Variants in POU3F3 observed in about 807,000 individuals in gnomAD.
The protein encoded by POU3F3 is POU class 3 homeobox 3.
POU3F3 carries 1 observed loss-of-function variant against 8.6 expected under a neutral mutation model. The ratio of observed to expected loss-of-function variants is 0.12; its 90% confidence interval spans 0.04 to 0.55. The LOEUF is 0.55. Ranked by LOEUF, POU3F3 falls within the 20% of genes least tolerant of loss-of-function variation. POU3F3 has a pLI of 0.91. For synonymous variants in POU3F3, 418 were observed against 327.4 expected (o/e 1.28, Z -2.99); for missense variants, 577 against 690.7 (o/e 0.84, Z 1.84).
chr2:104,866,685 AAGG>A, the POU3F3 span: 1 of 152,222 alleles, frequency 6.6e-6, no homozygotes, highest in Non-Finnish European at 1.5e-5. Context: ...AAGCCCTAGA[AAGG>A]AGGATTGAAG....
chr2:104,857,958 G>C lies in POU3F3; in HGVS notation c.*945G>C, dbSNP rs930862254. ...CGGGCGGGCGAACTGGGAGCAGAGC[G>C]GGGGCCCAGCCAGCGAGGCCGCCGA... On this transcript the variant is annotated 3_prime_UTR_variant, in exon 1 of 1. Transcript: ENST00000361360. 9 of 152,204 alleles carry C rather than the reference G, an allele frequency of 5.9e-5. No individual in the cohort carries two copies. Among genetic ancestry groups the C allele is most frequent in the African/African-American group, 2.2e-4 (9 of 41,450 alleles). The allele number at this position is 152,204 out of a possible 1,614,324, so 9.4% of individuals were successfully genotyped here.
In POU3F3 at chr2:104,855,104, C is replaced by T. The variant is rs1212691866; in HGVS notation, c.-407C>T. ...CCCCGCCCGGCGAGCCCCGCTGGAGCGAGCCCAGCGCGCCGGGGCTGGGGG... is the reference window on the plus strand; with the variant it reads ...CCCCGCCCGGCGAGCCCCGCTGGAGTGAGCCCAGCGCGCCGGGGCTGGGGG... On this transcript the variant is annotated 5_prime_UTR_variant, in exon 1 of 1. Coordinates refer to ENST00000361360, the MANE Select transcript of POU3F3 (RefSeq NM_006236.3). 6.6e-6 allele frequency among the ~76,000 whole-genome samples: 1 copy of T among 151,790 alleles called. No homozygotes were observed. Among genetic ancestry groups the T allele is most frequent in the African/African-American group, 2.4e-5 (1 of 41,392 alleles).
At chr2:104,875,948 C>T in the POU3F3 span, among the ~76,000 whole-genome samples, 1 of 152,090 alleles carries the variant, frequency 6.6e-6, no homozygotes, top group African/African-American at 2.4e-5. Context: ...GAACTCCTGA[C>T]CTCAGGTGAT....
chr2:104,871,458 C>T, the POU3F3 span, among the ~76,000 whole-genome samples: 1 of 152,006 alleles, frequency 6.6e-6, no homozygotes, highest in Non-Finnish European at 1.5e-5. Context: ...GTCCTCAACT[C>T]CAGTCATTAG....
chr2:104,856,220 C>T lies in POU3F3; in HGVS notation c.710C>T (p.Pro237Leu). The change falls in exon 1 of 1, where the codon CCA (proline) becomes CTA (leucine). Residue 237 changes from proline to leucine, a missense_variant. Pro to Leu is a moderately conservative substitution (Grantham distance 98, BLOSUM62 -3). Coordinates refer to ENST00000361360, the MANE Select transcript of POU3F3 (RefSeq NM_006236.3). Reference sequence around the variant, plus strand: ...ACGGTGAACGGCATGCTGAGCGCGCCACCGGGGCCCGGCGGCGGCGGCGGC... The same window carrying T: ...ACGGTGAACGGCATGCTGAGCGCGCTACCGGGGCCCGGCGGCGGCGGCGGC... ...GFTVNGMLSAPPGPGGGGGGA... is the reference protein window; with the variant it reads ...GFTVNGMLSALPGPGGGGGGA... The T allele has an allele frequency of 7.9e-7, 1 of 1,269,576 alleles. No homozygotes were observed. Among genetic ancestry groups the T allele is most frequent in the South Asian group, 3.0e-5 (1 of 33,740 alleles). 78.6% of individuals were successfully genotyped at this position (1,269,576 alleles called of 1,614,324 possible).
At chr2:104,892,281 G>A in the POU3F3 span, among the ~76,000 whole-genome samples, 9 of 152,194 alleles carry the variant, frequency 5.9e-5, no homozygotes, top group African/African-American at 2.2e-4. Flanking sequence ...TGGCCTCCAT[G>A]TGGGACAAGG....
upstream of POU3F3, chr2:104,853,926 T>C (rs1170682500): frequency 6.6e-6 from 1 of 151,776 alleles, no homozygotes; most frequent in Non-Finnish European, 1.5e-5. Context: ...TTCCAGCTTC[T>C]ACGACGCTCT....
At chr2:104,888,224 T>TG in the POU3F3 span, among the ~76,000 whole-genome samples, 2 of 152,232 alleles carry the variant, frequency 1.3e-5, no homozygotes, top group Non-Finnish European at 2.9e-5. Context: ...CAGGTTCTTG[T>TG]GGGGCAAACA....
the POU3F3 span, among the ~76,000 whole-genome samples, chr2:104,917,113 TCA>T: frequency 6.6e-6 from 1 of 152,194 alleles, no homozygotes; most frequent in Non-Finnish European, 1.5e-5. Context: ...AAACCAGAAC[TCA>T]CACCACTGGC....
At chr2:104,891,952 T>C in the POU3F3 span, among the ~76,000 whole-genome samples, 1 of 152,190 alleles carries the variant, frequency 6.6e-6, no homozygotes, top group Admixed American at 6.5e-5. Context: ...GCATTATGCT[T>C]ATAGCTCACT....
the POU3F3 span, among the ~76,000 whole-genome samples, chr2:104,887,936 A>G: frequency 6.6e-6 from 1 of 152,220 alleles, no homozygotes; most frequent in African/African-American, 2.4e-5. Flanking sequence ...CTGAATAACA[A>G]TTAGGAGCAG....
At chr2:104,917,665 G>C in the POU3F3 span, among the ~76,000 whole-genome samples, 1 of 152,178 alleles carries the variant, frequency 6.6e-6, no homozygotes, top group African/African-American at 2.4e-5. Flanking sequence ...GTGTCTTCAT[G>C]AAACTATCCA....
chr2:104,878,737 C>T, the POU3F3 span, among the ~76,000 whole-genome samples: 16 of 152,090 alleles, frequency 1.1e-4, no homozygotes, highest in East Asian at 1.9e-4. Context: ...TAAACTTCTC[C>T]GGTGGAATTA....
chr2:104,919,179 C>T, the POU3F3 span, among the ~76,000 whole-genome samples: 1 of 152,158 alleles, frequency 6.6e-6, no homozygotes, highest in Non-Finnish European at 1.5e-5. Flanking sequence ...TCCATGAAAA[C>T]ATTTTATGCT....
chr2:104,862,834 C>A (rs897530846), downstream of POU3F3, among the ~76,000 whole-genome samples: 5 of 152,160 alleles, frequency 3.3e-5, no homozygotes, highest in Non-Finnish European at 7.3e-5. Context: ...TCTGACACAG[C>A]AACCCGACTT....
chr2:104,874,372 C>T, the POU3F3 span, among the ~76,000 whole-genome samples: 1 of 152,208 alleles, frequency 6.6e-6, no homozygotes, highest in African/African-American at 2.4e-5. Flanking sequence ...CCAGGGTTCC[C>T]AGCCACCGTG....
the POU3F3 span, among the ~76,000 whole-genome samples, chr2:104,869,061 T>C: frequency 6.6e-6 from 1 of 152,154 alleles, no homozygotes; most frequent in Non-Finnish European, 1.5e-5. Context: ...CTTAGACACC[T>C]AGGGGTTCAA....
At chr2:104,877,712 G>A in the POU3F3 span, among the ~76,000 whole-genome samples, 1 of 147,826 alleles carries the variant, frequency 6.8e-6, no homozygotes, top group Admixed American at 6.8e-5. Flanking sequence ...AGGCTGGAGT[G>A]CAGTGGCACA....
the POU3F3 span, among the ~76,000 whole-genome samples, chr2:104,877,669 T>C: frequency 6.7e-6 from 1 of 149,922 alleles, no homozygotes; most frequent in Non-Finnish European, 1.5e-5. Flanking sequence ...TCTTTTTTTT[T>C]TTTTTTTTGA....
Sources: gnomAD v4.1 joint callset for allele counts (sites outside exome capture counted in the v4.1 genomes callset) on GRCh38, gnomAD v4.1.1 for gene constraint, MANE v1.5 for transcripts, NCBI Gene and HGNC (gene_info 2026-07-23, HGNC 2026-07-21) for gene names.